The following CAPN5 variants were observed in gnomAD, a reference collection of about 807,000 sequenced individuals.
CAPN5 encodes the protein calpain-5.
Under a neutral mutation model 73.0 loss-of-function variants are expected in CAPN5, and 54 were observed. That is an observed-to-expected ratio of 0.74 (90% CI 0.59 to 0.93). CAPN5 has a LOEUF of 0.93. CAPN5 is among the 40% of genes least tolerant of loss of function. The pLI, the probability that CAPN5 is intolerant of heterozygous loss-of-function variation, is 0.00. For synonymous variants in CAPN5, 335 were observed against 356.9 expected (o/e 0.94, Z 0.69); for missense variants, 785 against 882.9 (o/e 0.89, Z 1.41).
intron 3 of CAPN5, among the ~76,000 whole-genome samples, chr11:77,110,600 A>G (rs1430721326): frequency 6.6e-6 from 1 of 152,108 alleles, no homozygotes; most frequent in Non-Finnish European, 1.5e-5. Context: ...TTCCGGTAGT[A>G]TTGCCTCAAA....
At chr11:77,122,531 GC>G (rs782257961) in intron 11 of CAPN5, 44 bp from the exon 12 acceptor site, 1 of 1,228,398 alleles carries the variant, frequency 8.1e-7, no homozygotes. Flanking sequence ...CCCTGCCACA[GC>G]CCCCACCCCC....
At chr11:77,094,731 A>G (rs4945141) in intron 3 of CAPN5, among the ~76,000 whole-genome samples, 93,058 of 152,106 alleles carry the variant, frequency 0.61, 29,162 homozygotes, top group African/African-American at 0.76. Context: ...TCAGCAAAAT[A>G]AGGACAATCG....
intron 1 of CAPN5, among the ~76,000 whole-genome samples, chr11:77,084,356 G>C (rs782117931): frequency 2.6e-5 from 4 of 152,216 alleles, no homozygotes; most frequent in East Asian, 3.9e-4. Context: ...GTGCGGGGAG[G>C]ACCGGAGAGA....
At chr11:77,114,863 A>G (rs1193432041) in intron 5 of CAPN5, among the ~76,000 whole-genome samples, 1 of 150,354 alleles carries the variant, frequency 6.7e-6, no homozygotes, top group Admixed American at 6.6e-5. Flanking sequence ...TACTCCCACC[A>G]TGGCTGATTT....
chr11:77,108,414 G>A (rs1306390070), intron 3 of CAPN5, among the ~76,000 whole-genome samples: 4 of 152,198 alleles, frequency 2.6e-5, no homozygotes, highest in African/African-American at 7.2e-5. Context: ...CCACATGTGC[G>A]TGGGGGAGGT....
chr11:77,092,133 C>T (rs1555036626), intron 2 of CAPN5, among the ~76,000 whole-genome samples: 4 of 152,160 alleles, frequency 2.6e-5, no homozygotes, highest in South Asian at 2.1e-4. Context: ...GCCAGAGGAT[C>T]GCTTGAGCCT....
At chr11:77,110,885 CTGGT>C (rs1950404159) in intron 3 of CAPN5, among the ~76,000 whole-genome samples, 1 of 152,204 alleles carries the variant, frequency 6.6e-6, no homozygotes, top group African/African-American at 2.4e-5. Flanking sequence ...TGCCGGCCTC[CTGGT>C]GTGCCTCTGG....
chr11:77,123,240 G>A (rs1279313216), intron 12 of CAPN5, among the ~76,000 whole-genome samples: 1 of 152,190 alleles, frequency 6.6e-6, no homozygotes, highest in Non-Finnish European at 1.5e-5. Flanking sequence ...GACAGCATCT[G>A]TAAACAAACA....
At position 77,087,915 on chromosome 11, in the gene CAPN5, G is replaced by A. The variant is rs57067043; in HGVS notation, c.165+2864G>A. 3,024 of 1,535,940 alleles carry A rather than the reference G, an allele frequency of 2.0e-3. 60 individuals are homozygous for A. The African/African-American group carries it at 0.036, about 18-fold the overall frequency. Reference sequence around the variant, plus strand: ...CTTCAGCCCACACCCTTCACCCACAGGCTCGCTATGTTTTTGTTCTTTCCA... The same window carrying A: ...CTTCAGCCCACACCCTTCACCCACAAGCTCGCTATGTTTTTGTTCTTTCCA... On this transcript the variant is annotated intron_variant, in intron 2 of 12. Coordinates refer to ENST00000648180, the MANE Select transcript of CAPN5 (RefSeq NM_004055.5).
At chr11:77,078,068 T>C (rs1555034151) in intron 1 of CAPN5, among the ~76,000 whole-genome samples, 1 of 152,232 alleles carries the variant, frequency 6.6e-6, no homozygotes, top group Non-Finnish European at 1.5e-5. Flanking sequence ...TTTTTAGCTT[T>C]ATGTAATCCC....
chr11:77,115,328 G>A, intron 5 of CAPN5, 67 bp from the exon 6 acceptor site: 1 of 1,367,898 alleles, frequency 7.3e-7, no homozygotes, highest in Non-Finnish European at 1.0e-6. Context: ...TAGCCCTCCA[G>A]CACCTGAGTC....
At chr11:77,068,839 G>A (rs1949872893) in intron 1 of CAPN5, among the ~76,000 whole-genome samples, 1 of 152,294 alleles carries the variant, frequency 6.6e-6, no homozygotes, top group African/African-American at 2.4e-5. Flanking sequence ...GGTAGGTGGG[G>A]CTGCCTCTGT....
chr11:77,077,467 G>A (rs910032202), intron 1 of CAPN5, among the ~76,000 whole-genome samples: 2 of 151,560 alleles, frequency 1.3e-5, no homozygotes, highest in African/African-American at 4.8e-5. Flanking sequence ...GGTGGGAGGT[G>A]GTATCTCATT....
At chr11:77,114,547 C>A in intron 5 of CAPN5, 113 bp downstream of exon 5, 2 of 967,488 alleles carry the variant, frequency 2.1e-6, no homozygotes, top group Non-Finnish European at 3.2e-6. Context: ...TTCAGACCCT[C>A]AGCCTCGTGG....
chr11:77,086,762 C>A (rs1555035617), intron 2 of CAPN5, among the ~76,000 whole-genome samples: 1 of 152,238 alleles, frequency 6.6e-6, no homozygotes, highest in Admixed American at 6.5e-5. Flanking sequence ...GCCCTCTGGC[C>A]ATTGCCCAGA....
intron 2 of CAPN5, among the ~76,000 whole-genome samples, chr11:77,092,438 T>C (rs1408441883): frequency 1.3e-5 from 2 of 151,972 alleles, no homozygotes; most frequent in African/African-American, 2.4e-5. Context: ...CAAGAAGAGG[T>C]GGAAAGCCCA....
intron 2 of CAPN5, 100 bp from the exon 3 acceptor site, chr11:77,093,582 A>G: frequency 1.4e-6 from 2 of 1,404,252 alleles, no homozygotes; most frequent in South Asian, 1.4e-5. Flanking sequence ...ATCACACAGC[A>G]AGTCTGTGTC....
At chr11:77,079,637 A>G (rs1950009168) in intron 1 of CAPN5, among the ~76,000 whole-genome samples, 2 of 152,194 alleles carry the variant, frequency 1.3e-5, no homozygotes, top group Admixed American at 1.3e-4. Flanking sequence ...ATGCATTTCT[A>G]TTGGACATAT....
intron 3 of CAPN5, among the ~76,000 whole-genome samples, chr11:77,110,489 G>A (rs984757540): frequency 4.6e-5 from 7 of 152,192 alleles, no homozygotes; most frequent in South Asian, 2.1e-4. Context: ...GGAACAGCCA[G>A]TGTTGAGCCC....
Sources: allele counts gnomAD v4.1 joint callset (sites outside exome capture counted in the v4.1 genomes callset), GRCh38; gene constraint gnomAD v4.1.1; transcripts MANE v1.5; gene names NCBI Gene and HGNC (gene_info 2026-07-23, HGNC 2026-07-21).